The following COL21A1 variants were observed in gnomAD, a reference collection of about 807,000 sequenced individuals.
The protein encoded by COL21A1 is collagen type XXI alpha 1 chain.
Under a neutral mutation model 137.9 loss-of-function variants are expected in COL21A1, and 149 were observed. The observed-to-expected ratio is 1.08, with a 90% CI of 0.95 to 1.24. The LOEUF (loss-of-function observed/expected upper bound fraction) is 1.24. COL21A1 is among the 50% of genes most tolerant of loss of function. The pLI, the probability that COL21A1 is intolerant of heterozygous loss-of-function variation, is 0.00. For synonymous variants in COL21A1, 456 were observed against 391.5 expected, an observed-to-expected ratio of 1.16 and a Z score of -1.95; for missense variants, 1,167 against 1,158.4, an observed-to-expected ratio of 1.01 and a Z score of -0.11.
chr6:56,269,490 C>T (rs1327350758), intron 1 of COL21A1, among the ~76,000 whole-genome samples: 3 of 151,426 alleles, frequency 2.0e-5, no homozygotes, highest in African/African-American at 7.3e-5. Context: ...CCCGTCTCTA[C>T]TAAAAATACA....
At chr6:56,360,538 C>A (rs551284428) in intron 1 of COL21A1, among the ~76,000 whole-genome samples, 6 of 152,230 alleles carry the variant, frequency 3.9e-5, no homozygotes, top group African/African-American at 1.4e-4. Flanking sequence ...GCAATAGCAA[C>A]AGGTAAAAAC....
At chr6:56,329,457 C>T (rs1765171843) in intron 1 of COL21A1, among the ~76,000 whole-genome samples, 1 of 152,032 alleles carries the variant, frequency 6.6e-6, no homozygotes, top group Non-Finnish European at 1.5e-5. Flanking sequence ...CCACATTGGA[C>T]CATTTCCTAT....
At chr6:56,231,330 G>A (rs529147982) in intron 1 of COL21A1, among the ~76,000 whole-genome samples, 2 of 152,022 alleles carry the variant, frequency 1.3e-5, no homozygotes, top group South Asian at 4.1e-4. Context: ...AGTAAAGGAA[G>A]CATTATATTC....
At chr6:56,240,268 A>G (rs1782208395) in intron 1 of COL21A1, among the ~76,000 whole-genome samples, 1 of 151,800 alleles carries the variant, frequency 6.6e-6, no homozygotes, top group Non-Finnish European at 1.5e-5. Flanking sequence ...GGCAGCTTTC[A>G]GCTGGCTTTC....
chr6:56,199,888 T>G (rs911396596), intron 1 of COL21A1, among the ~76,000 whole-genome samples: 1 of 152,184 alleles, frequency 6.6e-6, no homozygotes, highest in Admixed American at 6.6e-5. Context: ...TCTGCTTCCA[T>G]GCAGTTTGTG....
At position 56,124,045 on chromosome 6, in the gene COL21A1, T is replaced by C; in HGVS notation, c.1758+17A>G. On this transcript the variant is annotated intron_variant, in intron 16 of 29. Coordinates refer to ENST00000244728, the MANE Select transcript of COL21A1 (RefSeq NM_030820.4). The stretch of plus-strand genomic sequence containing the variant: ...AAAATCTTTTTGTTTTGTCCTTTTT[T>C]TTTTTTTTATAAATACCTTGAAACC... 1 of 1,493,702 alleles carries C rather than the reference T, an allele frequency of 6.7e-7. No individual in the cohort carries two copies. Among genetic ancestry groups the C allele is most frequent in the East Asian group, 2.5e-5 (1 of 40,040 alleles). 92.5% of individuals were successfully genotyped at this position (1,493,702 alleles called of 1,614,324 possible). A position where few individuals can be genotyped will look rare whatever the true frequency, so the allele number is the denominator to read the frequency against.
At chr6:56,233,190 A>G (rs981183531) in intron 1 of COL21A1, among the ~76,000 whole-genome samples, 32 of 151,998 alleles carry the variant, frequency 2.1e-4, no homozygotes, top group African/African-American at 6.7e-4. Context: ...AGAAGCAGCC[A>G]TATCCAATAA....
intron 1 of COL21A1, among the ~76,000 whole-genome samples, chr6:56,295,594 T>C (rs1258771851): frequency 6.7e-6 from 1 of 148,878 alleles, no homozygotes; most frequent in Non-Finnish European, 1.5e-5. Flanking sequence ...TTTCATTTAT[T>C]TAGATTTTCT....
chr6:56,061,778 T>C, intron 24 of COL21A1, 97 bp from the exon 25 acceptor site: 2 of 796,772 alleles, frequency 2.5e-6, no homozygotes, highest in East Asian at 2.8e-5. Context: ...AATTTAAAAT[T>C]TCAATTTGGA....
intron 1 of COL21A1, among the ~76,000 whole-genome samples, chr6:56,346,326 T>C (rs78705518): frequency 8.5e-5 from 13 of 152,340 alleles, no homozygotes; most frequent in African/African-American, 2.9e-4. Flanking sequence ...CAAATTTATT[T>C]GGTGGATTGA....
At chr6:56,163,355 C>T (rs1369617286) in intron 9 of COL21A1, among the ~76,000 whole-genome samples, 2 of 152,342 alleles carry the variant, frequency 1.3e-5, no homozygotes, top group East Asian at 3.9e-4. Context: ...AACCACTACA[C>T]TTCTTAGTGT....
intron 17 of COL21A1, among the ~76,000 whole-genome samples, chr6:56,097,562 T>G (rs560412473): frequency 6.0e-4 from 90 of 150,942 alleles, no homozygotes; most frequent in African/African-American, 2.1e-3. Flanking sequence ...GGTTAAAATC[T>G]AAAGGGCCAC....
chr6:56,303,325 A>G (rs915420456), intron 1 of COL21A1, among the ~76,000 whole-genome samples: 1 of 152,128 alleles, frequency 6.6e-6, no homozygotes, highest in African/African-American at 2.4e-5. Context: ...CTTGGGCAGT[A>G]TGGCCATTTT....
chr6:56,173,612 A>G (rs1413392493), intron 3 of COL21A1, among the ~76,000 whole-genome samples: 3 of 152,174 alleles, frequency 2.0e-5, no homozygotes, highest in Non-Finnish European at 2.9e-5. Flanking sequence ...AGAGACAAAG[A>G]AAGATATCCT....
chr6:56,218,296 T>TAA (rs11416360), intron 1 of COL21A1, among the ~76,000 whole-genome samples: 3,654 of 148,338 alleles, frequency 0.025, 119 homozygotes, highest in Admixed American at 0.087. Flanking sequence ...TATGGCTTTG[T>TAA]AAAAAAAAAA....
intron 1 of COL21A1, among the ~76,000 whole-genome samples, chr6:56,217,453 A>C (rs1780557686): frequency 6.6e-6 from 1 of 152,104 alleles, no homozygotes; most frequent in African/African-American, 2.4e-5. Context: ...CATTTCAATA[A>C]GAAACTCCCT....
chr6:56,290,601 G>C (rs1160036611), intron 1 of COL21A1, among the ~76,000 whole-genome samples: 2 of 149,932 alleles, frequency 1.3e-5, no homozygotes, highest in African/African-American at 2.5e-5. Flanking sequence ...CCAGGTGCAA[G>C]TGATTCTCCC....
At chr6:56,304,813 A>C (rs149614729) in intron 1 of COL21A1, among the ~76,000 whole-genome samples, 12,258 of 152,020 alleles carry the variant, frequency 0.081, 549 homozygotes, top group Middle Eastern at 0.14. Context: ...CAGTTCTTTT[A>C]ATTGTGATGT....
intron 1 of COL21A1, among the ~76,000 whole-genome samples, chr6:56,330,739 T>A (rs542644953): frequency 9.1e-4 from 138 of 152,166 alleles, no homozygotes; most frequent in Non-Finnish European, 1.7e-3. Flanking sequence ...GTTTTGCTAT[T>A]GTGAATGGAG....
Sources: gnomAD v4.1 joint callset for allele counts (sites outside exome capture counted in the v4.1 genomes callset) on GRCh38, gnomAD v4.1.1 for gene constraint, MANE v1.5 for transcripts, NCBI Gene and HGNC (gene_info 2026-07-23, HGNC 2026-07-21) for gene names.